The following CADPS variants were observed in gnomAD, a reference collection of about 807,000 sequenced individuals.
CADPS encodes calcium-dependent secretion activator 1.
CADPS carries 57 observed loss-of-function variants against 167.3 expected under a neutral mutation model. The ratio of observed to expected loss-of-function variants is 0.34; its 90% CI spans 0.28 to 0.42. CADPS has a LOEUF of 0.42. CADPS is among the 20% of genes least tolerant of loss of function. CADPS has a pLI of 1.00. For synonymous variants in CADPS, 676 were observed against 635.3 expected (o/e 1.06, Z -0.96); for missense variants, 1,414 against 1,738.1 (o/e 0.81, Z 3.32).
At chr3:62,589,885 A>G (rs1241170085) in intron 7 of CADPS, among the ~76,000 whole-genome samples, 4 of 152,168 alleles carry the variant, frequency 2.6e-5, no homozygotes, top group Non-Finnish European at 5.9e-5. Context: ...CCCAGGCACA[A>G]ACACATCTGT....
chr3:62,739,604 G>A (rs936287500), intron 3 of CADPS, among the ~76,000 whole-genome samples: 3 of 152,080 alleles, frequency 2.0e-5, no homozygotes, highest in African/African-American at 7.2e-5. Context: ...CTCTTGTCCA[G>A]CTCCAAAATC....
intron 17 of CADPS, among the ~76,000 whole-genome samples, 160 bp downstream of exon 17, chr3:62,512,591 A>G (rs1268197020): frequency 1.3e-5 from 2 of 152,158 alleles, no homozygotes; most frequent in Admixed American, 6.6e-5. Flanking sequence ...AATGGGCATG[A>G]GATGTATTTA....
chr3:62,666,818 C>T (rs1378723898), intron 3 of CADPS, among the ~76,000 whole-genome samples: 1 of 152,168 alleles, frequency 6.6e-6, no homozygotes, highest in Non-Finnish European at 1.5e-5. Context: ...GATGAAAACT[C>T]TGTCCTGTTA....
chr3:62,555,893 C>G (rs960527060), intron 10 of CADPS, among the ~76,000 whole-genome samples: 1 of 152,084 alleles, frequency 6.6e-6, no homozygotes, highest in African/African-American at 2.4e-5. Context: ...CACACACCTA[C>G]AGGTGTGTGC....
intron 5 of CADPS, among the ~76,000 whole-genome samples, chr3:62,646,694 A>G (rs535611256): frequency 6.6e-6 from 1 of 152,334 alleles, no homozygotes; most frequent in African/African-American, 2.4e-5. Context: ...AGCAGCTGCC[A>G]GTTACAACCC....
chr3:62,774,602 C>T (rs761465982), intron 1 of CADPS, among the ~76,000 whole-genome samples: 11 of 152,110 alleles, frequency 7.2e-5, no homozygotes, highest in South Asian at 2.1e-4. Flanking sequence ...AATATTAACT[C>T]ATTAAAAATA....
At chr3:62,755,268 C>T (rs775013025) in intron 2 of CADPS, among the ~76,000 whole-genome samples, 72 of 152,120 alleles carry the variant, frequency 4.7e-4, no homozygotes, top group Non-Finnish European at 1.2e-4. Flanking sequence ...CTGGTGCTAC[C>T]TGGTTGAGTC....
At chr3:62,453,546 C>A (rs1031076691) in intron 26 of CADPS, among the ~76,000 whole-genome samples, 5 of 152,168 alleles carry the variant, frequency 3.3e-5, no homozygotes, top group Non-Finnish European at 7.3e-5. Flanking sequence ...GCTCTAAGTG[C>A]ATCTTGGGAA....
chr3:62,502,388 T>A (rs1199898381), intron 17 of CADPS, among the ~76,000 whole-genome samples: 1 of 152,124 alleles, frequency 6.6e-6, no homozygotes, highest in Non-Finnish European at 1.5e-5. Context: ...GCTGGAGCAC[T>A]GATAAAATGG....
Position 62,403,142 on chromosome 3 carries a change from G to A in CADPS, c.3821C>T (p.Thr1274Met), listed in dbSNP as rs754461043. The change falls in exon 29 of 30, where the codon ACG becomes ATG. Residue 1274 changes from threonine (T) to methionine (M), a missense_variant. By Grantham distance (81) the Thr-to-Met change is moderately conservative (BLOSUM62 -1). Around this residue, in one of 6 missense-constraint regions of CADPS, gnomAD observed 185 missense variants for 251.5 expected, o/e 0.74. Transcript: ENST00000383710. ...ATGAAGCTGTAAGTCCATCCGGTCC[G>A]TCAACCAGGTGCAGATCACGTTCAT... is the stretch of plus-strand genomic sequence containing the variant. Reference protein sequence around the residue: ...SSMNVICTWLTDRMDLQLHIY... With the variant: ...SSMNVICTWLMDRMDLQLHIY... 1.1e-5 allele frequency: 18 copies of A among 1,613,382 alleles called. No individual in the cohort carries two copies. Among genetic ancestry groups the A allele is most frequent in the South Asian group, 3.3e-5 (3 of 91,020 alleles).
chr3:62,599,553 AAATTATAT>A (rs1489544767), intron 6 of CADPS, among the ~76,000 whole-genome samples: 15 of 105,602 alleles, frequency 1.4e-4, no homozygotes, highest in African/African-American at 4.3e-4. Context: ...TATATAATAT[AAATTATAT>A]AATTATATAA....
intron 3 of CADPS, among the ~76,000 whole-genome samples, chr3:62,679,923 C>G (rs147897537): frequency 6.6e-6 from 1 of 151,988 alleles, no homozygotes; most frequent in African/African-American, 2.4e-5. Flanking sequence ...ATTTGTCCTC[C>G]ACTGGATGCA....
chr3:62,693,751 C>G (rs2079678051), intron 3 of CADPS, among the ~76,000 whole-genome samples: 1 of 148,460 alleles, frequency 6.7e-6, no homozygotes, highest in South Asian at 2.1e-4. Context: ...CATCACTGCA[C>G]TACAGCCTGG....
chr3:62,598,476 A>G (rs1331802563), intron 6 of CADPS, among the ~76,000 whole-genome samples: 2 of 152,176 alleles, frequency 1.3e-5, no homozygotes, highest in African/African-American at 4.8e-5. Flanking sequence ...AAAAATATTC[A>G]TTCTTTGTCC....
intron 1 of CADPS, among the ~76,000 whole-genome samples, chr3:62,865,349 T>C (rs992714956): frequency 6.6e-6 from 1 of 151,148 alleles, no homozygotes; most frequent in East Asian, 1.9e-4. Context: ...CCTTAGGGTT[T>C]GTAACTTAGC....
chr3:62,761,985 G>C (rs2085572663), intron 2 of CADPS, among the ~76,000 whole-genome samples: 1 of 152,188 alleles, frequency 6.6e-6, no homozygotes. Context: ...GTGCTCTTGA[G>C]AACCATGGGG....
chr3:62,841,451 C>T (rs183953604), intron 1 of CADPS, among the ~76,000 whole-genome samples: 10 of 152,282 alleles, frequency 6.6e-5, no homozygotes, highest in East Asian at 1.9e-4. Context: ...CATGATGGCT[C>T]ATGCCTGTAA....
intron 1 of CADPS, among the ~76,000 whole-genome samples, chr3:62,866,140 G>C (rs561104347): frequency 2.0e-5 from 3 of 152,148 alleles, no homozygotes; most frequent in East Asian, 1.9e-4. Context: ...CATAAAGAAG[G>C]CTTTTCTCTA....
chr3:62,491,866 C>T (rs534561689), intron 20 of CADPS, among the ~76,000 whole-genome samples: 12 of 152,108 alleles, frequency 7.9e-5, no homozygotes, highest in Non-Finnish European at 1.8e-4. Flanking sequence ...CCTTCATCAC[C>T]CTCCCTGGGG....
Sources: gnomAD v4.1 joint callset for allele counts (sites outside exome capture counted in the v4.1 genomes callset) on GRCh38, gnomAD v4.1.1 for gene constraint, gnomAD v4.1.1 regional missense constraint, MANE v1.5 for transcripts, NCBI Gene and HGNC (gene_info 2026-07-23, HGNC 2026-07-21) for gene names.